The following LRIG1 variants were observed in gnomAD, a reference collection of about 807,000 sequenced individuals.
The protein encoded by LRIG1 is leucine-rich repeats and immunoglobulin-like domains protein 1.
Under a neutral mutation model 99.2 loss-of-function variants are expected in LRIG1, and 48 were observed. The observed-to-expected ratio is 0.48, with a 90% confidence interval of 0.38 to 0.62. The LOEUF (loss-of-function observed/expected upper bound fraction) is 0.62. LRIG1 is among the 20% of genes least tolerant of loss of function. The probability of loss-of-function intolerance (pLI) is 0.00; values close to 1 mark genes in which losing one functional copy is unlikely to be tolerated. For missense variants in LRIG1, 1,646 were observed against 1,434.4 expected, an observed-to-expected ratio of 1.15 and a Z score of -2.38; for synonymous variants, 772 against 596.1, an observed-to-expected ratio of 1.29 and a Z score of -4.30.
intron 3 of LRIG1, among the ~76,000 whole-genome samples, chr3:66,448,810 G>A (rs1703808490): frequency 6.6e-6 from 1 of 152,132 alleles, no homozygotes. Context: ...AAGAATTTGA[G>A]GATTAAGGAC....
intron 1 of LRIG1, among the ~76,000 whole-genome samples, chr3:66,473,805 A>C (rs1403228303): frequency 6.6e-6 from 1 of 152,368 alleles, no homozygotes; most frequent in African/African-American, 2.4e-5. Flanking sequence ...CCCACAGTGA[A>C]GTCACTGACT....
chr3:66,474,589 G>A (rs1575720318), intron 1 of LRIG1, among the ~76,000 whole-genome samples: 1 of 151,952 alleles, frequency 6.6e-6, no homozygotes, highest in Non-Finnish European at 1.5e-5. Context: ...CAGGTGATCC[G>A]CCCGCCTCGG....
intron 3 of LRIG1, among the ~76,000 whole-genome samples, chr3:66,443,036 GCTGCGGAGGCCACAGCAGCT>G (rs1703595944): frequency 6.6e-6 from 1 of 152,198 alleles, no homozygotes; most frequent in Admixed American, 6.5e-5. Context: ...TGGCAGGCTG[GCTGCGGAGGCCACAGCAGCT>G]CTTTTCCCAG....
Position 66,382,354 on chromosome 3 carries a change from G to T in LRIG1, c.2536C>A (p.Gln846Lys). The T allele has an allele frequency of 4.3e-6, 7 of 1,614,222 alleles. No individual in the cohort carries two copies. The highest frequency in any genetic ancestry group is 5.9e-6 in the Non-Finnish European group (7 of 1,180,026). ...PPDVPSYLSS[Q>K]GTLSDRQETV... is the part of the protein sequence containing the mutation. ...TCTTGTCGGTCAGAAAGGGTCCCCT[G>T]AGAAGAGAGGTAGCTTGGAACATCT... The change falls in exon 16 of 19, where the codon CAG (glutamine) becomes AAG (lysine). Residue 846 changes from glutamine (Q) to lysine (K), a missense_variant. By Grantham distance (53) the Gln-to-Lys change is moderately conservative. Transcript: ENST00000273261.
At chr3:66,425,797 TA>T (rs1419748702) in intron 3 of LRIG1, among the ~76,000 whole-genome samples, 1 of 152,204 alleles carries the variant, frequency 6.6e-6, no homozygotes, top group Non-Finnish European at 1.5e-5. Flanking sequence ...GAGGAGAACT[TA>T]ATACAGCAGA....
intron 9 of LRIG1, among the ~76,000 whole-genome samples, chr3:66,400,884 C>G (rs961644315): frequency 6.6e-6 from 1 of 152,172 alleles, no homozygotes; most frequent in African/African-American, 2.4e-5. Context: ...CCTGGAAACA[C>G]AGGCTCACAG....
At position 66,386,194 on chromosome 3, in the gene LRIG1, T is replaced by C; in HGVS notation, c.1576A>G (p.Met526Val). 6.2e-7 allele frequency: 1 copy of C among 1,614,130 alleles called. No homozygotes were observed. Among genetic ancestry groups the C allele is most frequent in the Non-Finnish European group, 8.5e-7 (1 of 1,180,004 alleles). ...CSAASSSSSPMTFAWKKDNEV... is the reference protein window; with the variant it reads ...CSAASSSSSPVTFAWKKDNEV... The stretch of plus-strand genomic sequence containing the variant: ...TTGTCTTTCTTCCAGGCAAAGGTCA[T>C]GGGGGAGCTGCTGCTGCTGGCTGCT... Residue 526 changes from methionine (M) to valine (V), a missense_variant, in exon 13 of 19, where the codon ATG becomes GTG. Coordinates refer to ENST00000273261, the MANE Select transcript of LRIG1 (RefSeq NM_015541.3).
intron 4 of LRIG1, among the ~76,000 whole-genome samples, chr3:66,415,694 T>C (rs1421106381): frequency 6.6e-6 from 1 of 152,116 alleles, no homozygotes; most frequent in African/African-American, 2.4e-5. Flanking sequence ...GCATCTCCCG[T>C]GACAATACAA....
At chr3:66,425,840 C>G (rs1702965382) in intron 3 of LRIG1, among the ~76,000 whole-genome samples, 1 of 152,178 alleles carries the variant, frequency 6.6e-6, no homozygotes, top group Admixed American at 6.5e-5. Context: ...TTAAAGGCTT[C>G]AAAAATAAAA....
intron 1 of LRIG1, among the ~76,000 whole-genome samples, chr3:66,491,522 C>A (rs1041003471): frequency 6.6e-6 from 1 of 151,834 alleles, no homozygotes; most frequent in African/African-American, 2.4e-5. Flanking sequence ...CAGAATGTGC[C>A]CAATAAACAT....
At chr3:66,450,551 C>G (rs937915751) in intron 3 of LRIG1, among the ~76,000 whole-genome samples, 1 of 152,200 alleles carries the variant, frequency 6.6e-6, no homozygotes, top group Non-Finnish European at 1.5e-5. Context: ...CCATGTTTCA[C>G]AGGGACACAG....
At chr3:66,392,411 A>C (rs920201729) in intron 12 of LRIG1, among the ~76,000 whole-genome samples, 7 of 152,186 alleles carry the variant, frequency 4.6e-5, no homozygotes, top group Admixed American at 2.6e-4. Flanking sequence ...TCCCACCAGC[A>C]GTGTAGGAGG....
intron 9 of LRIG1, among the ~76,000 whole-genome samples, chr3:66,402,788 G>A (rs1015621114): frequency 3.9e-5 from 6 of 152,156 alleles, no homozygotes; most frequent in African/African-American, 7.2e-5. Context: ...CTAACAGGCC[G>A]GCACTGGGCC....
chr3:66,420,939 A>G (rs1702787168), intron 3 of LRIG1, among the ~76,000 whole-genome samples: 2 of 152,222 alleles, frequency 1.3e-5, no homozygotes, highest in South Asian at 4.1e-4. Flanking sequence ...ATCATGGCAG[A>G]AGGCAAAGAA....
intron 12 of LRIG1, among the ~76,000 whole-genome samples, chr3:66,392,602 AG>A (rs566542262): frequency 7.4e-6 from 1 of 135,246 alleles, no homozygotes; most frequent in Non-Finnish European, 1.6e-5. Context: ...ACGTTTTTAG[AG>A]GGGGGGAAGC....
At chr3:66,381,682 G>GT (rs1179526838) in intron 16 of LRIG1, 51 bp from the exon 17 acceptor site, 10 of 1,585,424 alleles carry the variant, frequency 6.3e-6, no homozygotes, top group Non-Finnish European at 8.6e-6. Context: ...GTATTTCACA[G>GT]TAAGCCTTAT....
chr3:66,434,777 C>T (rs944517045), intron 3 of LRIG1, among the ~76,000 whole-genome samples: 1 of 139,568 alleles, frequency 7.2e-6, no homozygotes, highest in Non-Finnish European at 1.5e-5. Context: ...AAAAAAAACA[C>T]ACCACCAAAT....
intron 1 of LRIG1, among the ~76,000 whole-genome samples, chr3:66,494,899 A>G (rs1259004500): frequency 1.3e-5 from 2 of 152,248 alleles, no homozygotes; most frequent in Admixed American, 6.5e-5. Flanking sequence ...TAATTGGACA[A>G]TTAATTGGTC....
chr3:66,496,520 C>T (rs375120047), intron 1 of LRIG1, among the ~76,000 whole-genome samples: 7 of 152,314 alleles, frequency 4.6e-5, no homozygotes, highest in Admixed American at 3.3e-4. Flanking sequence ...AAGAAAAGGA[C>T]TCTGAGCTCA....
Sources: allele counts gnomAD v4.1 joint callset (sites outside exome capture counted in the v4.1 genomes callset), GRCh38; gene constraint gnomAD v4.1.1; transcripts MANE v1.5; gene names NCBI Gene and HGNC (gene_info 2026-07-23, HGNC 2026-07-21).